Variants in IGF2BP1 observed in about 807,000 individuals in gnomAD.
IGF2BP1 encodes the protein insulin-like growth factor 2 mRNA-binding protein 1.
Under a neutral mutation model 74.9 loss-of-function variants are expected in IGF2BP1, and 11 were observed. The ratio of observed to expected loss-of-function variants is 0.15; its 90% CI spans 0.09 to 0.24. IGF2BP1 has a LOEUF of 0.24. IGF2BP1 is among the 10% of genes least tolerant of loss of function. The pLI, the probability that IGF2BP1 is intolerant of heterozygous loss-of-function variation, is 1.00. For synonymous variants in IGF2BP1, 287 were observed against 281.8 expected, an observed-to-expected ratio of 1.02 and a Z score of -0.18; for missense variants, 440 against 757.4, an observed-to-expected ratio of 0.58 and a Z score of 4.92.
At chr17:49,048,067 A>G (rs1205062609) in intron 14 of IGF2BP1, among the ~76,000 whole-genome samples, 1 of 152,138 alleles carries the variant, frequency 6.6e-6, no homozygotes, top group Non-Finnish European at 1.5e-5. Flanking sequence ...GAAAGGAGAC[A>G]TTCTGGTCTT....
intron 2 of IGF2BP1, among the ~76,000 whole-genome samples, chr17:49,007,630 T>C (rs2041565907): frequency 6.6e-6 from 1 of 152,222 alleles, no homozygotes; most frequent in East Asian, 1.9e-4. Context: ...GTATTGCCTC[T>C]TTCTGGAGTG....
chr17:49,015,487 A>G (rs935679958), intron 2 of IGF2BP1, among the ~76,000 whole-genome samples: 1 of 152,188 alleles, frequency 6.6e-6, no homozygotes, highest in Non-Finnish European at 1.5e-5. Context: ...ATCGTGAGCA[A>G]TGTCCCTGAG....
In IGF2BP1 at chr17:49,018,666, A is replaced by G. The variant is rs1598135530; in HGVS notation, c.237-6952A>G. On this transcript the variant is annotated intron_variant, in intron 2 of 14. Coordinates refer to ENST00000290341, the MANE Select transcript of IGF2BP1 (RefSeq NM_006546.4). ...CTAATAGGAACTGTTTCAAAAAAAAAAAAAAGTTAAGAACCAGTTATTCAG... is the reference window on the plus strand; with the variant it reads ...CTAATAGGAACTGTTTCAAAAAAAAGAAAAAGTTAAGAACCAGTTATTCAG... Among the ~76,000 whole-genome samples, 7 of 152,158 alleles carry G rather than the reference A, an allele frequency of 4.6e-5. No individual in the cohort carries two copies. In the East Asian group the frequency reaches 1.2e-3, roughly 25 times the overall value.
chr17:49,042,529 A>C, intron 9 of IGF2BP1, 152 bp downstream of exon 9: 1 of 818,264 alleles, frequency 1.2e-6, no homozygotes, highest in Non-Finnish European at 1.9e-6. Context: ...AATAGTATTT[A>C]AATAGTATTT....
Position 49,055,618 on chromosome 17 carries a change from T to C in IGF2BP1, c.*6174T>C, listed in dbSNP as rs1426779394. 5.0e-6 allele frequency: 2 copies of C among 398,512 alleles called. No homozygotes were observed. Among genetic ancestry groups the C allele is most frequent in the Non-Finnish European group, 8.8e-6 (2 of 226,078 alleles). 24.7% of individuals were successfully genotyped at this position (398,512 alleles called of 1,614,324 possible). ...AAATGAATTTCAGCAGATTATGTGTTACCATAATGAATAAACGTCCTCTAT... is the reference window on the plus strand; with the variant it reads ...AAATGAATTTCAGCAGATTATGTGTCACCATAATGAATAAACGTCCTCTAT... On this transcript the variant is annotated 3_prime_UTR_variant, in exon 15 of 15. Transcript: ENST00000290341.
At chr17:49,038,686 A>G (rs2042015242) in intron 6 of IGF2BP1, among the ~76,000 whole-genome samples, 1 of 152,072 alleles carries the variant, frequency 6.6e-6, no homozygotes, top group Non-Finnish European at 1.5e-5. Flanking sequence ...GAGAGATTCT[A>G]TAATTTCTCA....
At chr17:49,022,777 G>A (rs535166977) in intron 2 of IGF2BP1, among the ~76,000 whole-genome samples, 4 of 152,164 alleles carry the variant, frequency 2.6e-5, no homozygotes, top group Non-Finnish European at 4.4e-5. Context: ...TTTGAAGTGC[G>A]AGGGAATTTT....
chr17:49,024,149 T>TC (rs1264011255), intron 2 of IGF2BP1, among the ~76,000 whole-genome samples: 14 of 144,412 alleles, frequency 9.7e-5, no homozygotes, highest in Non-Finnish European at 1.8e-4. Context: ...CAGGCTGGTC[T>TC]CCAACTCCTG....
intron 2 of IGF2BP1, among the ~76,000 whole-genome samples, chr17:49,001,690 T>C (rs2041489991): frequency 1.3e-5 from 2 of 152,160 alleles, no homozygotes; most frequent in Middle Eastern, 3.2e-3. Flanking sequence ...ACCCCCTTAG[T>C]GTTGGAATTT....
intron 6 of IGF2BP1, 27 bp downstream of exon 6, chr17:49,038,476 G>T: frequency 6.9e-7 from 1 of 1,450,748 alleles, no homozygotes; most frequent in Non-Finnish European, 9.1e-7. Context: ...GGGGAATGGA[G>T]GTTGGGTGCT....
At chr17:49,038,852 C>G (rs2042016878) in intron 6 of IGF2BP1, among the ~76,000 whole-genome samples, 1 of 151,070 alleles carries the variant, frequency 6.6e-6, no homozygotes, top group Non-Finnish European at 1.5e-5. Context: ...TCCCATTCTG[C>G]CACTGCCACC....
At position 49,031,816 on chromosome 17, in the gene IGF2BP1, C is replaced by T. The variant is rs933852902; in HGVS notation, c.338-94C>T. 10 of 1,155,190 alleles carry T rather than the reference C, an allele frequency of 8.7e-6. No individual in the cohort carries two copies. In the Admixed American group the frequency reaches 1.8e-4, roughly 21 times the overall value. The allele number at this position is 1,155,190 out of a possible 1,614,324, so 71.6% of individuals were successfully genotyped here. A position where few individuals can be genotyped will look rare whatever the true frequency, so the allele number is the denominator to read the frequency against. On this transcript the variant is annotated intron_variant, in intron 4 of 14. Coordinates refer to ENST00000290341, the MANE Select transcript of IGF2BP1 (RefSeq NM_006546.4). ...CCGTGTCTGGCCTGCCAGATGTCTT[C>T]TTGATCTCAAAACGTGGAAAGCTGG...
At chr17:49,025,929 C>G (rs2041848619) in intron 3 of IGF2BP1, among the ~76,000 whole-genome samples, 1 of 148,248 alleles carries the variant, frequency 6.7e-6, no homozygotes, top group Non-Finnish European at 1.5e-5. Context: ...GATCTCGACT[C>G]ACTGCATCCT....
intron 1 of IGF2BP1, among the ~76,000 whole-genome samples, chr17:48,998,610 G>A (rs2041439509): frequency 6.6e-6 from 1 of 151,122 alleles, no homozygotes; most frequent in Admixed American, 6.6e-5. Flanking sequence ...GCCAGGCCCC[G>A]CTCCGCTCCC....
At chr17:49,041,346 T>G (rs1002609262) in intron 7 of IGF2BP1, 32 bp from the exon 8 acceptor site, 1 of 1,612,610 alleles carries the variant, frequency 6.2e-7, no homozygotes, top group Non-Finnish European at 8.5e-7. Context: ...GAAGGAACTC[T>G]TGTCTTCCAC....
intron 2 of IGF2BP1, among the ~76,000 whole-genome samples, chr17:49,000,634 C>T (rs1305712672): frequency 1.3e-5 from 2 of 152,096 alleles, no homozygotes; most frequent in African/African-American, 2.4e-5. Flanking sequence ...GAACTGAAAG[C>T]TGAGTGTTGA....
rs183465438 is a variant in IGF2BP1 at position 49,019,928 on chromosome 17, A to G, written c.237-5690A>G. Among the ~76,000 whole-genome samples the G allele has an allele frequency of 4.7e-3, 301 of 63,510 alleles. 6 individuals carry two copies. The highest frequency in any genetic ancestry group is 0.023 in the African/African-American group (291 of 12,800). The allele number at this position is 63,510 out of a possible 152,430, so 41.7% of individuals were successfully genotyped here. On this transcript the variant is annotated intron_variant, in intron 2 of 14. Coordinates refer to ENST00000290341, the MANE Select transcript of IGF2BP1 (RefSeq NM_006546.4). ...TTTATATATATATATATATATATAT[A>G]TATATATATATATATATATATTTAT...
chr17:49,009,808 G>A (rs1032573679), intron 2 of IGF2BP1, among the ~76,000 whole-genome samples: 4 of 150,808 alleles, frequency 2.7e-5, no homozygotes, highest in African/African-American at 4.9e-5. Flanking sequence ...ACCTGGGCGC[G>A]GTTGCTCACA....
At position 49,043,504 on chromosome 17, in the gene IGF2BP1, C is replaced by G. The variant is rs748846744; in HGVS notation, c.1154C>G (p.Pro385Arg). 6.2e-7 allele frequency: 1 copy of G among 1,614,112 alleles called. No homozygotes were observed. Among genetic ancestry groups the G allele is most frequent in the South Asian group, 1.1e-5 (1 of 91,080 alleles). Residue 385 changes from proline to arginine, a missense_variant, in exon 10 of 15, where the codon CCG becomes CGG. Pro to Arg is a moderately radical substitution (Grantham distance 103). Around this residue, in one of 5 missense-constraint regions of IGF2BP1, gnomAD observed 31 missense variants for 27.0 expected, o/e 1.15. Coordinates refer to ENST00000290341, the MANE Select transcript of IGF2BP1 (RefSeq NM_006546.4). ...CCAGCTTCATCCAGCGCAGTCCCGC[C>G]GCCTCCCAGCAGCGTTACTGGGGCT... The part of the protein sequence containing the change: ...LFPASSSAVP[P>R]PPSSVTGAAP...
Sources: allele counts gnomAD v4.1 joint callset (sites outside exome capture counted in the v4.1 genomes callset), GRCh38; gene constraint gnomAD v4.1.1; regional missense constraint gnomAD v4.1.1; transcripts MANE v1.5; gene names NCBI Gene and HGNC (gene_info 2026-07-23, HGNC 2026-07-21).